The following ACYP2 variants were observed in gnomAD, a reference collection of about 807,000 sequenced individuals.
ACYP2 encodes acylphosphatase-2.
A neutral mutation model predicts 11.2 loss-of-function variants in ACYP2; 12 were observed. That is an observed-to-expected ratio of 1.08 (90% confidence interval 0.69 to 1.74). The LOEUF is 1.74. Ranked by LOEUF, ACYP2 falls within the 40% of genes most tolerant of loss-of-function variation. The pLI is 0.00. For missense variants in ACYP2, 134 were observed against 101.9 expected (o/e 1.31, Z -1.35); for synonymous variants, 43 against 32.2 (o/e 1.33, Z -1.13).
intron 2 of ACYP2, among the ~76,000 whole-genome samples, chr2:54,038,713 A>ATATATATATG (rs1675049234): frequency 7.4e-6 from 1 of 134,504 alleles, no homozygotes; most frequent in Non-Finnish European, 1.6e-5. Context: ...ATATATATAT[A>ATATATATATG]CTCTTCTAAG....
intron 6 of ACYP2, among the ~76,000 whole-genome samples, chr2:54,163,496 A>G (rs536843643): frequency 6.6e-6 from 1 of 152,366 alleles, no homozygotes; most frequent in African/African-American, 2.4e-5. Flanking sequence ...AGTCAGAGAG[A>G]AAGTCCTGAA....
chr2:54,165,433 G>C (rs927647451), intron 6 of ACYP2, among the ~76,000 whole-genome samples: 3 of 151,890 alleles, frequency 2.0e-5, no homozygotes, highest in Non-Finnish European at 2.9e-5. Flanking sequence ...GAAGGGACCT[G>C]AGAGGTCATC....
chr2:54,121,448 C>T (rs1196927714), intron 4 of ACYP2, among the ~76,000 whole-genome samples: 1 of 152,202 alleles, frequency 6.6e-6, no homozygotes, highest in African/African-American at 2.4e-5. Context: ...GGAGACCTGT[C>T]CCTGTCTACC....
intron 6 of ACYP2, among the ~76,000 whole-genome samples, chr2:54,150,902 C>T (rs555777816): frequency 1.6e-4 from 24 of 151,682 alleles, no homozygotes; most frequent in African/African-American, 5.8e-4. Flanking sequence ...CTACCACGCC[C>T]GGCTAATTTT....
chr2:54,049,212 G>T (rs915023303), intron 2 of ACYP2, among the ~76,000 whole-genome samples: 1 of 152,104 alleles, frequency 6.6e-6, no homozygotes, highest in African/African-American at 2.4e-5. Context: ...AGTGAGCCAA[G>T]ATCGCGTCAC....
At chr2:54,047,667 C>T (rs1675598922) in intron 2 of ACYP2, among the ~76,000 whole-genome samples, 1 of 152,132 alleles carries the variant, frequency 6.6e-6, no homozygotes, top group South Asian at 2.1e-4. Context: ...CTGAATACCC[C>T]CCATTAGTTC....
chr2:54,296,656 T>C (rs1391309944), intron 6 of ACYP2, among the ~76,000 whole-genome samples: 1 of 152,120 alleles, frequency 6.6e-6, no homozygotes. Context: ...ATTGTTACTT[T>C]ATAACTGTTA....
At chr2:54,086,004 C>T (rs966729856) in intron 4 of ACYP2, among the ~76,000 whole-genome samples, 2 of 152,018 alleles carry the variant, frequency 1.3e-5, no homozygotes, top group Non-Finnish European at 2.9e-5. Context: ...AATGCAGTGG[C>T]GCAGTCTCGG....
intron 2 of ACYP2, among the ~76,000 whole-genome samples, chr2:54,017,411 C>A (rs780248909): frequency 6.6e-6 from 1 of 151,614 alleles, no homozygotes; most frequent in Non-Finnish European, 1.5e-5. Flanking sequence ...TGAACCACCA[C>A]GCCTGGCTAA....
At chr2:54,051,640 GA>G in intron 3 of ACYP2, 1 of 737,602 alleles carries the variant, frequency 1.4e-6, no homozygotes. Context: ...CTTATGAAAA[GA>G]AGGCTGCGAA....
chr2:54,195,060 G>A (rs142942708), intron 6 of ACYP2, among the ~76,000 whole-genome samples: 42 of 152,284 alleles, frequency 2.8e-4, no homozygotes, highest in African/African-American at 1.0e-3. Flanking sequence ...TGGCTAAACT[G>A]CTTCACTCTT....
chr2:54,087,154 A>G (rs1677987158), intron 4 of ACYP2, among the ~76,000 whole-genome samples: 1 of 152,268 alleles, frequency 6.6e-6, no homozygotes, highest in African/African-American at 2.4e-5. Flanking sequence ...TGTAACATGA[A>G]TAGAAATCAT....
At chr2:54,217,087 C>A (rs1685587555) in intron 6 of ACYP2, among the ~76,000 whole-genome samples, 2 of 152,000 alleles carry the variant, frequency 1.3e-5, no homozygotes, top group African/African-American at 4.8e-5. Context: ...TTCTTTAGAT[C>A]TCATTTTCCT....
intron 6 of ACYP2, among the ~76,000 whole-genome samples, chr2:54,266,588 ATCTTTTTTTTT>A (rs1688033889): frequency 2.2e-5 from 2 of 91,138 alleles, no homozygotes; most frequent in Non-Finnish European, 4.3e-5. Context: ...ATATCTATCT[ATCTTTTTTTTT>A]TTTTTTTTTT....
intron 6 of ACYP2, among the ~76,000 whole-genome samples, chr2:54,243,581 G>C (rs1000601988): frequency 6.6e-6 from 1 of 152,018 alleles, no homozygotes; most frequent in African/African-American, 2.4e-5. Flanking sequence ...TGCGGCCTCT[G>C]CCTCCCAGGT....
intron 2 of ACYP2, among the ~76,000 whole-genome samples, chr2:53,974,270 G>A (rs1374439087): frequency 6.6e-6 from 1 of 152,112 alleles, no homozygotes; most frequent in Non-Finnish European, 1.5e-5. Flanking sequence ...AGAAGTTAAA[G>A]ATATTGGGTG....
chr2:54,201,680 T>TTCTGTC lies in ACYP2; in HGVS notation c.404+62935_404+62936insGTCTCT, dbSNP rs1395606887. 1.2e-3 allele frequency among the ~76,000 whole-genome samples: 124 copies of TTCTGTC among 107,346 alleles called. 1 individual carries two copies. Among genetic ancestry groups the TTCTGTC allele is most frequent in the African/African-American group, 3.5e-3 (93 of 26,766 alleles). The allele number at this position is 107,346 out of a possible 152,430, so 70.4% of individuals were successfully genotyped here. On this transcript the variant is annotated intron_variant, in intron 6 of 6. Transcript: ENST00000607452. ...TTTCTTTCTTTCTTTCTTTCTTTCT[T>TTCTGTC]TCTCTCTCTCTCTCTCTCTTTTTTC...
chr2:54,095,650 C>T (rs1157010474), intron 4 of ACYP2, among the ~76,000 whole-genome samples: 16 of 138,860 alleles, frequency 1.2e-4, no homozygotes, highest in Admixed American at 9.8e-4. Context: ...GGCGGCTGGC[C>T]GCGCGGGGGG....
At chr2:54,207,173 ATGTGTG>A (rs58920943) in intron 6 of ACYP2, among the ~76,000 whole-genome samples, 15 of 138,722 alleles carry the variant, frequency 1.1e-4, no homozygotes, top group African/African-American at 1.9e-4. Flanking sequence ...CAACATGTAT[ATGTGTG>A]TGTGTGTGTG....
Sources: gnomAD v4.1 joint callset for allele counts (sites outside exome capture counted in the v4.1 genomes callset) on GRCh38, gnomAD v4.1.1 for gene constraint, MANE v1.5 for transcripts, NCBI Gene and HGNC (gene_info 2026-07-23, HGNC 2026-07-21) for gene names.